SETD6: variants seen among roughly 807,000 people sequenced by gnomAD.
The protein encoded by SETD6 is SET domain containing 6, protein lysine methyltransferase.
Under a neutral mutation model 52.7 loss-of-function variants are expected in SETD6, and 67 were observed. The observed-to-expected ratio is 1.27, with a 90% confidence interval of 1.04 to 1.56. The LOEUF (loss-of-function observed/expected upper bound fraction) is 1.56. Among genes scored for constraint, SETD6 ranks in the 40% most tolerant of loss-of-function variants. The pLI is 0.00. For synonymous variants in SETD6, 307 were observed against 250.2 expected (o/e 1.23, Z -2.14); for missense variants, 712 against 607.5 (o/e 1.17, Z -1.81).
Position 58,521,064 on chromosome 16 carries a change from CT to C in SETD6, c.*2036del, listed in dbSNP as rs1221526278. 1 of 1,614,080 alleles carries C rather than the reference CT, an allele frequency of 6.2e-7. No homozygotes were observed. On this transcript the variant is annotated 3_prime_UTR_variant, in exon 8 of 8. Transcript: ENST00000219315. The stretch of plus-strand genomic sequence containing the variant: ...GAAGGATGAAGACAGTTACAAATCT[CT>C]GATTAAAGAGTAGGCCTAACAATAC...
At position 58,516,295 on chromosome 16, in the gene SETD6, A is replaced by T. The variant is rs371818985; in HGVS notation, c.428A>T (p.Tyr143Phe). 1 of 1,605,236 alleles carries T rather than the reference A, an allele frequency of 6.2e-7. No individual in the cohort carries two copies. Among genetic ancestry groups the T allele is most frequent in the African/African-American group, 1.3e-5 (1 of 74,992 alleles). Residue 143 changes from tyrosine (Y) to phenylalanine (F), a missense_variant, in exon 3 of 8, where the codon TAC becomes TTC. Tyr to Phe is a conservative substitution (Grantham distance 22, BLOSUM62 3). Coordinates refer to ENST00000219315, the MANE Select transcript of SETD6 (RefSeq NM_001160305.4). The stretch of plus-strand genomic sequence containing the variant: ...GCCCCGGCCTCACGCTGGAGGCCCT[A>T]CTTTGCGCTCTGGCCCGAGCTGGGC... ...LQAPASRWRP[Y>F]FALWPELGRL...
intron 7 of SETD6, 40 bp from the exon 8 acceptor site, chr16:58,518,684 A>G: frequency 6.2e-7 from 1 of 1,601,594 alleles, no homozygotes; most frequent in African/African-American, 1.4e-5. Context: ...GAAGTACAAA[A>G]GCAGTACATC....
rs1357551674 is a variant in SETD6 at position 58,516,836 on chromosome 16, G to A, written c.700G>A (p.Asp234Asn). 3.7e-6 allele frequency: 6 copies of A among 1,614,192 alleles called. No individual in the cohort carries two copies. The African/African-American group carries it at 4.0e-5, about 11-fold the overall frequency. ...TCAGGAACCACTGGAGGAAGAAGAG[G>A]ATGAAAAGGAGCCCAACTCCCCCGT... ...SFQEPLEEEE[D>N]EKEPNSPVMV... Residue 234 changes from aspartate (D) to asparagine (N), a missense_variant, in exon 5 of 8, where the codon GAT becomes AAT. Coordinates refer to ENST00000219315, the MANE Select transcript of SETD6 (RefSeq NM_001160305.4).
Position 58,518,549 on chromosome 16 carries a change from C to A in SETD6, c.1116+6C>A, listed in dbSNP as rs781155150. The A allele has an allele frequency of 6.3e-7, 1 of 1,596,464 alleles. No homozygotes were observed. The highest frequency in any genetic ancestry group is 8.5e-7 in the Non-Finnish European group (1 of 1,176,214). ...AGCTGACCACCACACTAAAGGTAAA[C>A]GGCTGAAAATGGCCATTTAATGCTG... On this transcript the variant is annotated splice_donor_region_variant and intron_variant, in intron 7 of 7. Transcript: ENST00000219315.
At chr16:58,517,772 G>A (rs796403527) in intron 5 of SETD6, 16 of 468,014 alleles carry the variant, frequency 3.4e-5, no homozygotes, top group Non-Finnish European at 6.3e-5. Context: ...CACTGCGCCT[G>A]GCCGAAAATT....
chr16:58,521,315 ACTCTGG>A lies in SETD6; in HGVS notation c.*2287_*2292del. On this transcript the variant is annotated 3_prime_UTR_variant, in exon 8 of 8. Coordinates refer to ENST00000219315, the MANE Select transcript of SETD6 (RefSeq NM_001160305.4). The stretch of plus-strand genomic sequence containing the variant: ...ATTTACAATCAACCGTTCCAAGAGA[ACTCTGG>A]AAAAAGGGAGAAAGAGCTAGTTAAT... The A allele has an allele frequency of 6.2e-7, 1 of 1,600,454 alleles. No individual in the cohort carries two copies. The highest frequency in any genetic ancestry group is 1.8e-5 in the Admixed American group (1 of 55,738).
Position 58,516,926 on chromosome 16 carries a change from G to A in SETD6, c.790G>A (p.Ala264Thr). The change falls in exon 5 of 8, where the codon GCG becomes ACG. Residue 264 changes from alanine to threonine, a missense_variant and splice_region_variant. Physicochemically the swap from Ala to Thr is moderately conservative, Grantham distance 58 (BLOSUM62 0). Coordinates refer to ENST00000219315, the MANE Select transcript of SETD6 (RefSeq NM_001160305.4). ...TCACAACGCCAATCTAGAATACTCT[G>A]CGGTGAGTGGAGTTTCTCTTGGTGC... Reference protein sequence around the residue: ...ANHNANLEYSANCLRMVATQP... With the variant: ...ANHNANLEYSTNCLRMVATQP... The A allele has an allele frequency of 6.2e-7, 1 of 1,614,196 alleles. No individual in the cohort carries two copies. The highest frequency in any genetic ancestry group is 8.5e-7 in the Non-Finnish European group (1 of 1,180,042).
At chr16:58,516,991 C>T in intron 5 of SETD6, 63 bp downstream of exon 5, 3 of 1,612,468 alleles carry the variant, frequency 1.9e-6, no homozygotes, top group Non-Finnish European at 1.7e-6. Context: ...TCTTAGGCTC[C>T]ATTCTCTTAC....
Position 58,523,555 on chromosome 16 carries a change from A to G in SETD6, c.*4526A>G. The G allele has an allele frequency of 1.3e-6, 2 of 1,583,246 alleles. No individual in the cohort carries two copies. The highest frequency in any genetic ancestry group is 1.7e-6 in the Non-Finnish European group (2 of 1,157,192). ...ACTTAGTCTGAAAGGCCAACATGGG[A>G]AGACAGTTCTAACTGGCTAGGGTTT... On this transcript the variant is annotated 3_prime_UTR_variant, in exon 8 of 8. Coordinates refer to ENST00000219315, the MANE Select transcript of SETD6 (RefSeq NM_001160305.4).
intron 5 of SETD6, 128 bp from the exon 6 acceptor site, chr16:58,517,923 G>C (rs1362196131): frequency 8.6e-7 from 1 of 1,164,502 alleles, no homozygotes; most frequent in Non-Finnish European, 1.2e-6. Context: ...ACTAAAGGTA[G>C]AACTTTGGTA....
rs778804211 is a variant in SETD6 at position 58,521,360 on chromosome 16, C to T, written c.*2331C>T. 2.1e-5 allele frequency: 32 copies of T among 1,550,716 alleles called. No individual in the cohort carries two copies. The highest frequency in any genetic ancestry group is 2.8e-5 in the African/African-American group (2 of 71,888). Reference sequence around the variant, plus strand: ...GAGCTAGTTAATGTATAGAAGCATACAAATTCATGATTATTCTTCCATTAC... The same window carrying T: ...GAGCTAGTTAATGTATAGAAGCATATAAATTCATGATTATTCTTCCATTAC... On this transcript the variant is annotated 3_prime_UTR_variant, in exon 8 of 8. Coordinates refer to ENST00000219315, the MANE Select transcript of SETD6 (RefSeq NM_001160305.4).
In SETD6 at chr16:58,516,688, C is replaced by G. The variant is rs201826419; in HGVS notation, c.671+16C>G. The G allele has an allele frequency of 1.7e-5, 27 of 1,610,928 alleles. No individual in the cohort carries two copies. The highest frequency in any genetic ancestry group is 3.3e-4 in the Middle Eastern group (2 of 6,070). ...TGGCCTATAGGTCAGTGGGTGGGGC[C>G]TCTGAGGACGGAACCCTTTTCTTTA... On this transcript the variant is annotated intron_variant, in intron 4 of 7. Transcript: ENST00000219315.
In SETD6 at chr16:58,515,899, G is replaced by C; in HGVS notation, c.136G>C (p.Gly46Arg). The C allele has an allele frequency of 2.0e-6, 3 of 1,508,440 alleles. No homozygotes were observed. The highest frequency in any genetic ancestry group is 2.6e-6 in the Non-Finnish European group (3 of 1,137,464). 93.4% of individuals were successfully genotyped at this position (1,508,440 alleles called of 1,614,324 possible). A position where few individuals can be genotyped will look rare whatever the true frequency, so the allele number is the denominator to read the frequency against. The change falls in exon 2 of 8, where the codon GGG becomes CGG. Residue 46 changes from glycine (G) to arginine (R), a missense_variant. Physicochemically the swap from Gly to Arg is moderately radical, Grantham distance 125 (BLOSUM62 -2). Transcript: ENST00000219315. ...LSPKVSERAG[G>R]RRTRGGARAA... ...TCCCAAGGTGAGCGAGCGAGCCGGC[G>C]GGCGGAGGACCCGCGGCGGGGCGCG... is the stretch of plus-strand genomic sequence containing the variant.
rs1327240564 is a variant in SETD6 at position 58,522,022 on chromosome 16, G to A, written c.*2993G>A. 6.6e-6 allele frequency among the ~76,000 whole-genome samples: 1 copy of A among 150,638 alleles called. No individual in the cohort carries two copies. The highest frequency in any genetic ancestry group is 1.5e-5 in the Non-Finnish European group (1 of 67,750). On this transcript the variant is annotated 3_prime_UTR_variant, in exon 8 of 8. Coordinates refer to ENST00000219315, the MANE Select transcript of SETD6 (RefSeq NM_001160305.4). Reference sequence around the variant, plus strand: ...AAAGGAAACAGAAAATAAGAATTAAGTATTCTAACACTGCAGGCTGGGCAC... The same window carrying A: ...AAAGGAAACAGAAAATAAGAATTAAATATTCTAACACTGCAGGCTGGGCAC...
In SETD6 at chr16:58,518,470, T is replaced by C; in HGVS notation, c.1043T>C (p.Val348Ala). The change falls in exon 7 of 8, where the codon GTA (valine) becomes GCA (alanine). Residue 348 changes from valine to alanine, a missense_variant. Val to Ala is a moderately conservative substitution (Grantham distance 64). Transcript: ENST00000219315. ...GATTTCCTATGCAAACTGGAGATGG[T>C]AGGGGAAGAGGGAGCCTTTGTGATA... Reference protein sequence around the residue: ...RWDFLCKLEMVGEEGAFVIGR... With the variant: ...RWDFLCKLEMAGEEGAFVIGR... 2 of 1,588,936 alleles carry C rather than the reference T, an allele frequency of 1.3e-6. No homozygotes were observed. The highest frequency in any genetic ancestry group is 8.5e-7 in the Non-Finnish European group (1 of 1,174,270).
rs150559584 is a variant in SETD6 at position 58,518,439 on chromosome 16, C to T, written c.1012C>T (p.Arg338Cys). The change falls in exon 7 of 8, where the codon CGC (arginine) becomes TGC (cysteine). Residue 338 changes from arginine to cysteine, a missense_variant. Transcript: ENST00000219315. ...AGCTGAAAGGCACCTAGTGTACGAG[C>T]GCTGGGATTTCCTATGCAAACTGGA... ...TEAERHLVYERWDFLCKLEMV... is the reference protein window; with the variant it reads ...TEAERHLVYECWDFLCKLEMV... 2.4e-5 allele frequency: 38 copies of T among 1,586,244 alleles called. No individual in the cohort carries two copies. The highest frequency in any genetic ancestry group is 8.1e-5 in the Admixed American group (4 of 49,398).
chr16:58,516,179 G>A (rs1232198206), intron 2 of SETD6, 23 bp from the exon 3 acceptor site: 1 of 1,496,290 alleles, frequency 6.7e-7, no homozygotes. Flanking sequence ...GCGCCGGGGC[G>A]CTCACACCTG....
In SETD6 at chr16:58,520,050, C is replaced by CCATTTG. The variant is rs2039310599; in HGVS notation, c.*1023_*1024insTTTGCA. ...AAGGCTACAAAATACAACACAGGGACCAATACATTTGCAAAACATTCAAAA... is the reference window on the plus strand; with the variant it reads ...AAGGCTACAAAATACAACACAGGGACCATTTGCAATACATTTGCAAAACATTCAAAA... On this transcript the variant is annotated 3_prime_UTR_variant, in exon 8 of 8. Coordinates refer to ENST00000219315, the MANE Select transcript of SETD6 (RefSeq NM_001160305.4). 6.6e-6 allele frequency: 1 copy of CCATTTG among 152,166 alleles called. No individual in the cohort carries two copies. Among genetic ancestry groups the CCATTTG allele is most frequent in the Admixed American group, 6.6e-5 (1 of 15,266 alleles). The allele number at this position is 152,166 out of a possible 1,614,324, so 9.4% of individuals were successfully genotyped here.
chr16:58,517,025 A>C, intron 5 of SETD6, 97 bp downstream of exon 5: 1 of 1,560,772 alleles, frequency 6.4e-7, no homozygotes, highest in Non-Finnish European at 8.8e-7. Flanking sequence ...TGAGTAGGTG[A>C]AATCAGCTCC....
Sources: gnomAD v4.1 joint callset for allele counts (sites outside exome capture counted in the v4.1 genomes callset) on GRCh38, gnomAD v4.1.1 for gene constraint, MANE v1.5 for transcripts, NCBI Gene and HGNC (gene_info 2026-07-23, HGNC 2026-07-21) for gene names.